The following PRMT3 variants were observed in gnomAD, a reference collection of about 807,000 sequenced individuals.
The protein encoded by PRMT3 is protein arginine methyltransferase 3, also known as protein arginine N-methyltransferase 3.
In PRMT3, 62 loss-of-function variants were observed where a neutral mutation model predicts 71.9. That is an observed-to-expected ratio of 0.86 (90% CI 0.70 to 1.07). PRMT3 has a LOEUF of 1.07. PRMT3 is among the 50% of genes least tolerant of loss of function. The pLI is 0.00. For missense variants in PRMT3, 663 were observed against 643.0 expected (o/e 1.03, Z -0.34); for synonymous variants, 213 against 220.4 (o/e 0.97, Z 0.30).
chr11:20,484,912 GGT>G (rs1287792764), intron 13 of PRMT3, among the ~76,000 whole-genome samples: 1 of 152,180 alleles, frequency 6.6e-6, no homozygotes, highest in Non-Finnish European at 1.5e-5. Context: ...CAGAAAAGAA[GGT>G]AATCTGAAAA....
intron 13 of PRMT3, among the ~76,000 whole-genome samples, chr11:20,474,194 C>T (rs952836352): frequency 2.0e-5 from 3 of 152,206 alleles, no homozygotes; most frequent in Admixed American, 2.0e-4. Flanking sequence ...AAGAAGGAGT[C>T]TGGCTCCTTT....
chr11:20,407,178 T>C (rs901670621), intron 8 of PRMT3: 2 of 152,150 alleles, frequency 1.3e-5, no homozygotes, highest in African/African-American at 2.4e-5. Flanking sequence ...ACCAAAGCAC[T>C]TTCAGCAAAC....
intron 13 of PRMT3, among the ~76,000 whole-genome samples, chr11:20,468,068 T>C (rs944367736): frequency 2.0e-5 from 3 of 152,192 alleles, no homozygotes; most frequent in African/African-American, 7.2e-5. Context: ...TGGAACTTTG[T>C]TTCCCCTTTA....
chr11:20,455,016 T>C (rs904015635), intron 11 of PRMT3, among the ~76,000 whole-genome samples: 2 of 152,168 alleles, frequency 1.3e-5, no homozygotes, highest in Non-Finnish European at 1.5e-5. Flanking sequence ...AAAGCAGGTT[T>C]ACTAGCAACG....
chr11:20,493,360 A>T (rs536467346), intron 13 of PRMT3, among the ~76,000 whole-genome samples: 1 of 152,326 alleles, frequency 6.6e-6, no homozygotes, highest in African/African-American at 2.4e-5. Flanking sequence ...GCTTTGTATA[A>T]ATAGGATGTT....
At chr11:20,507,847 C>T (rs1374468380) in intron 15 of PRMT3, among the ~76,000 whole-genome samples, 2 of 151,274 alleles carry the variant, frequency 1.3e-5, no homozygotes, top group East Asian at 2.0e-4. Context: ...TGGCTCATTC[C>T]TGTATTCCCA....
At chr11:20,504,697 TGTGTGTGTGTGAGAGA>T (rs1851538709) in intron 15 of PRMT3, among the ~76,000 whole-genome samples, 1 of 127,018 alleles carries the variant, frequency 7.9e-6, no homozygotes, top group Non-Finnish European at 1.6e-5. Context: ...TATGTGTGTG[TGTGTGTGTGTGAGAGA>T]GAGAGAGAGA....
rs1216877795 is a variant in PRMT3, at chr11:20,504,688, A to ATG, written c.1487-3597_1487-3596dup. ...TTGTTACATTTATCTCAAGTATTGT[A>ATG]TGTGTGTGTGTGTGTGTGTGAGAGA... On this transcript the variant is annotated intron_variant, in intron 15 of 15. Coordinates refer to ENST00000331079, the MANE Select transcript of PRMT3 (RefSeq NM_005788.4). 2.9e-3 allele frequency among the ~76,000 whole-genome samples: 330 copies of ATG among 115,742 alleles called. 1 individual carries two copies. The highest frequency in any genetic ancestry group is 9.7e-3 in the African/African-American group (283 of 29,096). 75.9% of individuals were successfully genotyped at this position (115,742 alleles called of 152,430 possible). A position where few individuals can be genotyped will look rare whatever the true frequency, so the allele number is the denominator to read the frequency against.
intron 10 of PRMT3, among the ~76,000 whole-genome samples, chr11:20,437,745 A>G (rs1360264676): frequency 6.6e-6 from 1 of 152,092 alleles, no homozygotes; most frequent in East Asian, 1.9e-4. Context: ...ACTCGCCACC[A>G]TGCCCGGCTA....
intron 8 of PRMT3, among the ~76,000 whole-genome samples, chr11:20,404,544 G>A (rs6483676): frequency 0.97 from 148,142 of 152,286 alleles, 72,381 homozygotes; most frequent in Middle Eastern, 1. Context: ...CATAGTTTTT[G>A]TATTTGCAAA....
At chr11:20,502,315 G>A (rs1048396429) in intron 15 of PRMT3, among the ~76,000 whole-genome samples, 3 of 152,190 alleles carry the variant, frequency 2.0e-5, no homozygotes, top group African/African-American at 7.2e-5. Context: ...ATTGAAGGGA[G>A]ATCAGCAGTG....
chr11:20,460,264 TTTGCTGCA>T (rs1479328065), intron 11 of PRMT3, among the ~76,000 whole-genome samples: 2 of 152,220 alleles, frequency 1.3e-5, no homozygotes, highest in African/African-American at 2.4e-5. Context: ...TGTTTTTGTT[TTTGCTGCA>T]TTTCTTTGGT....
chr11:20,481,609 C>G (rs1014433769), intron 13 of PRMT3, among the ~76,000 whole-genome samples: 1 of 151,984 alleles, frequency 6.6e-6, no homozygotes, highest in Non-Finnish European at 1.5e-5. Flanking sequence ...AGAGATTTTC[C>G]AAGGTAATTT....
chr11:20,404,862 A>G (rs1413776360), intron 8 of PRMT3, among the ~76,000 whole-genome samples: 5 of 152,118 alleles, frequency 3.3e-5, no homozygotes, highest in African/African-American at 9.7e-5. Flanking sequence ...GAGCATTATC[A>G]TTGTTTTTCT....
chr11:20,418,343 G>A (rs1366519688), intron 9 of PRMT3, among the ~76,000 whole-genome samples: 2 of 151,968 alleles, frequency 1.3e-5, no homozygotes, highest in African/African-American at 4.8e-5. Context: ...TTCACGAATG[G>A]AAAAAATCAG....
intron 15 of PRMT3, among the ~76,000 whole-genome samples, chr11:20,500,218 G>T (rs569450521): frequency 6.6e-6 from 1 of 152,140 alleles, no homozygotes; most frequent in African/African-American, 2.4e-5. Context: ...TGCAAAACTT[G>T]TATATTTAAA....
intron 9 of PRMT3, among the ~76,000 whole-genome samples, chr11:20,416,750 T>C (rs908574259): frequency 4.5e-4 from 69 of 152,284 alleles, no homozygotes; most frequent in African/African-American, 1.5e-3. Context: ...ATAAAGATGA[T>C]ACATTTGGGA....
At chr11:20,505,550 T>A (rs1851570243) in intron 15 of PRMT3, among the ~76,000 whole-genome samples, 1 of 152,232 alleles carries the variant, frequency 6.6e-6, no homozygotes, top group Non-Finnish European at 1.5e-5. Context: ...GCAATTACTA[T>A]TCTCTGTCAT....
At chr11:20,399,448 T>C (rs1848901665) in intron 7 of PRMT3, among the ~76,000 whole-genome samples, 1 of 152,230 alleles carries the variant, frequency 6.6e-6, no homozygotes, top group Non-Finnish European at 1.5e-5. Context: ...TATGTTATTA[T>C]AAGTAATACG....
Sources: allele counts gnomAD v4.1 joint callset (sites outside exome capture counted in the v4.1 genomes callset), GRCh38; gene constraint gnomAD v4.1.1; transcripts MANE v1.5; gene names NCBI Gene and HGNC (gene_info 2026-07-23, HGNC 2026-07-21).